MTUS1: variants seen among roughly 807,000 people sequenced by gnomAD.
The protein encoded by MTUS1 is microtubule associated scaffold protein 1.
Under a neutral mutation model 120.8 loss-of-function variants are expected in MTUS1, and 109 were observed. The observed-to-expected ratio is 0.90, with a 90% CI of 0.77 to 1.06. The LOEUF (loss-of-function observed/expected upper bound fraction) is 1.06. MTUS1 is among the 50% of genes least tolerant of loss of function. The pLI, the probability that MTUS1 is intolerant of heterozygous loss-of-function variation, is 0.00. For synonymous variants in MTUS1, 737 were observed against 550.5 expected (o/e 1.34, Z -4.74); for missense variants, 2,210 against 1,486.3 (o/e 1.49, Z -8.01).
At chr8:17,795,209 T>G (rs1469885605) in intron 1 of MTUS1, among the ~76,000 whole-genome samples, 5 of 152,230 alleles carry the variant, frequency 3.3e-5, no homozygotes, top group Non-Finnish European at 5.9e-5. Flanking sequence ...AAACATTATT[T>G]ACACAAGAAT....
chr8:17,704,526 C>G (rs1471970752), intron 6 of MTUS1, among the ~76,000 whole-genome samples: 1 of 152,166 alleles, frequency 6.6e-6, no homozygotes, highest in Non-Finnish European at 1.5e-5. Flanking sequence ...TACAAAAAGA[C>G]TATCCTTTCC....
rs568607410 is a variant in MTUS1, at chr8:17,738,239, G to A, written c.2287+5365C>T. 6.6e-5 allele frequency among the ~76,000 whole-genome samples: 10 copies of A among 152,232 alleles called. No individual in the cohort carries two copies. In the South Asian group the frequency reaches 8.3e-4, roughly 13 times the overall value. On this transcript the variant is annotated intron_variant, in intron 3 of 14. Coordinates refer to ENST00000693296, the MANE Select transcript of MTUS1 (RefSeq NM_001363059.2). Reference sequence around the variant, plus strand: ...CACCCCTGGACATTCTTCTCATGGGGCCTTTTCCCCACCCATCACCATTCT... The same window carrying A: ...CACCCCTGGACATTCTTCTCATGGGACCTTTTCCCCACCCATCACCATTCT...
At chr8:17,663,710 C>G (rs1810285663) in intron 8 of MTUS1, among the ~76,000 whole-genome samples, 1 of 152,078 alleles carries the variant, frequency 6.6e-6, no homozygotes, top group Non-Finnish European at 1.5e-5. Context: ...ATTCTCCTGC[C>G]TCAGCCCCCT....
intron 3 of MTUS1, among the ~76,000 whole-genome samples, chr8:17,728,262 A>C (rs550982024): frequency 6.6e-6 from 1 of 152,100 alleles, no homozygotes; most frequent in South Asian, 2.1e-4. Context: ...CACCCACACA[A>C]CACCACACCC....
intron 1 of MTUS1, among the ~76,000 whole-genome samples, chr8:17,780,565 C>T (rs2050798016): frequency 6.6e-6 from 1 of 152,138 alleles, no homozygotes; most frequent in Non-Finnish European, 1.5e-5. Flanking sequence ...AATAATCTGC[C>T]TCTTTCCCTC....
chr8:17,659,771 C>T (rs1398370158), intron 8 of MTUS1, among the ~76,000 whole-genome samples: 1 of 152,178 alleles, frequency 6.6e-6, no homozygotes, highest in Admixed American at 6.5e-5. Context: ...GTGTATGATT[C>T]AGTGGCATTG....
intron 1 of MTUS1, among the ~76,000 whole-genome samples, chr8:17,775,134 TTC>T (rs145681536): frequency 0.014 from 2,156 of 152,160 alleles, 56 homozygotes; most frequent in African/African-American, 0.049. Flanking sequence ...TGGGTACAGT[TTC>T]TGTGTGGGAT....
rs1349095371 is a variant in MTUS1, at chr8:17,722,598, G to A, written c.2449+1074C>T. 4.1e-6 allele frequency: 4 copies of A among 984,576 alleles called. No homozygotes were observed. The African/African-American group carries it at 5.2e-5, about 13-fold the overall frequency. 61.0% of individuals were successfully genotyped at this position (984,576 alleles called of 1,614,324 possible). A position where few individuals can be genotyped will look rare whatever the true frequency, so the allele number is the denominator to read the frequency against. ...ATATGAGTCCAGCTACTGCTGCTAG[G>A]TGACCCGTCGGAAATGTGCTCATTA... is the stretch of plus-strand genomic sequence containing the variant. On this transcript the variant is annotated intron_variant, in intron 4 of 14. Transcript: ENST00000693296.
intron 7 of MTUS1, 60 bp downstream of exon 7, chr8:17,684,268 T>A: frequency 8.1e-7 from 1 of 1,237,152 alleles, no homozygotes; most frequent in Non-Finnish European, 1.2e-6. Context: ...TGTGAGCAAG[T>A]CCTCCCCGTG....
chr8:17,713,357 C>T, intron 5 of MTUS1, 105 bp from the exon 6 acceptor site: 2 of 737,860 alleles, frequency 2.7e-6, no homozygotes, highest in Non-Finnish European at 4.6e-6. Flanking sequence ...TCAATCGCTA[C>T]ATTTCAGGTT....
intron 1 of MTUS1, among the ~76,000 whole-genome samples, chr8:17,771,662 G>T (rs1421872410): frequency 6.6e-6 from 1 of 152,186 alleles, no homozygotes; most frequent in Non-Finnish European, 1.5e-5. Flanking sequence ...CAAGCAGGCA[G>T]TCTACGCATG....
chr8:17,684,689 T>G, intron 6 of MTUS1, 147 bp from the exon 7 acceptor site: 2 of 660,270 alleles, frequency 3.0e-6, no homozygotes, highest in Non-Finnish European at 2.7e-6. Context: ...AGAACTGGAA[T>G]GAATCGGAGA....
chr8:17,678,886 C>T (rs1452245504), intron 7 of MTUS1, among the ~76,000 whole-genome samples: 1 of 152,096 alleles, frequency 6.6e-6, no homozygotes, highest in East Asian at 1.9e-4. Flanking sequence ...ACCATCAATA[C>T]TGTTGTTCAC....
rs570105551 is a variant in MTUS1 at position 17,660,851 on chromosome 8, G to GC, written c.2906-4787dup. ...CCTATCCCAGCATGAGCAATGATGGGCGACAGAACGGTGAGCCTTGGTGAT... is the reference window on the plus strand; with the variant it reads ...CCTATCCCAGCATGAGCAATGATGGGCCGACAGAACGGTGAGCCTTGGTGAT... On this transcript the variant is annotated intron_variant, in intron 8 of 14. Coordinates refer to ENST00000693296, the MANE Select transcript of MTUS1 (RefSeq NM_001363059.2). 2.6e-5 allele frequency among the ~76,000 whole-genome samples: 4 copies of GC among 152,302 alleles called. No individual in the cohort carries two copies. In the South Asian group the frequency reaches 8.3e-4, roughly 32 times the overall value.
intron 3 of MTUS1, 64 bp downstream of exon 3, chr8:17,743,540 T>C (rs2047499519): frequency 5.4e-6 from 8 of 1,485,888 alleles, no homozygotes; most frequent in Non-Finnish European, 4.6e-6. Context: ...ATTAGACCTA[T>C]AATCATGACT....
At chr8:17,712,604 G>T (rs1368671178) in intron 6 of MTUS1, among the ~76,000 whole-genome samples, 2 of 152,170 alleles carry the variant, frequency 1.3e-5, no homozygotes, top group Non-Finnish European at 2.9e-5. Flanking sequence ...CTCCCAAAGT[G>T]CTGGGATTAC....
In MTUS1 at chr8:17,754,525, A is replaced by G. The variant is rs553951114; in HGVS notation, c.1283T>C (p.Met428Thr). The change falls in exon 2 of 15, where the codon ATG (methionine) becomes ACG (threonine). Residue 428 changes from methionine to threonine, a missense_variant. By Grantham distance (81) the Met-to-Thr change is moderately conservative (BLOSUM62 -1). Coordinates refer to ENST00000693296, the MANE Select transcript of MTUS1 (RefSeq NM_001363059.2). ...MVISTDKTMCMSTPVLEPTKV... is the reference protein window; with the variant it reads ...MVISTDKTMCTSTPVLEPTKV... ...TGTGGGTTCTAGGACTGGTGTTGACATGCACATCGTTTTGTCTGTGCTAAT... is the reference window on the plus strand; with the variant it reads ...TGTGGGTTCTAGGACTGGTGTTGACGTGCACATCGTTTTGTCTGTGCTAAT... 6.2e-7 allele frequency: 1 copy of G among 1,614,216 alleles called. No individual in the cohort carries two copies. Among genetic ancestry groups the G allele is most frequent in the African/African-American group, 1.3e-5 (1 of 75,052 alleles).
At chr8:17,675,763 A>T (rs569824406) in intron 7 of MTUS1, among the ~76,000 whole-genome samples, 1 of 152,248 alleles carries the variant, frequency 6.6e-6, no homozygotes, top group Non-Finnish European at 1.5e-5. Flanking sequence ...CAGAAAGATA[A>T]TCCTTTAAAG....
chr8:17,751,598 G>A (rs567276190), intron 2 of MTUS1, among the ~76,000 whole-genome samples: 12 of 152,118 alleles, frequency 7.9e-5, no homozygotes, highest in Non-Finnish European at 1.5e-4. Context: ...AGTGGCTCAC[G>A]CCTGTATTCC....
Sources: allele counts gnomAD v4.1 joint callset (sites outside exome capture counted in the v4.1 genomes callset), GRCh38; gene constraint gnomAD v4.1.1; transcripts MANE v1.5; gene names NCBI Gene and HGNC (gene_info 2026-07-23, HGNC 2026-07-21).